Variants in ZFHX3 observed in about 807,000 individuals in gnomAD.
ZFHX3 encodes the protein zinc finger homeobox protein 3.
In ZFHX3, 42 loss-of-function variants were observed where a neutral mutation model predicts 279.1. The observed-to-expected ratio is 0.15, with a 90% CI of 0.12 to 0.19. The LOEUF (loss-of-function observed/expected upper bound fraction) is 0.19. Among genes scored for constraint, ZFHX3 ranks in the 10% least tolerant of loss-of-function variants. The probability of loss-of-function intolerance (pLI) is 1.00; values close to 1 mark genes in which losing one functional copy is unlikely to be tolerated. For missense variants in ZFHX3, 4,981 were observed against 4,754.0 expected (o/e 1.05, Z -1.40); for synonymous variants, 2,293 against 1,957.8 (o/e 1.17, Z -4.52).
At chr16:73,027,618 C>CAT (rs1233562734) in intron 1 of ZFHX3, among the ~76,000 whole-genome samples, 2 of 152,262 alleles carry the variant, frequency 1.3e-5, no homozygotes, top group African/African-American at 4.8e-5. Flanking sequence ...AAGAGTCCTC[C>CAT]TTAAATACAG....
At chr16:72,870,647 G>A (rs1284663098) in intron 4 of ZFHX3, among the ~76,000 whole-genome samples, 27 of 150,510 alleles carry the variant, frequency 1.8e-4, no homozygotes, top group Admixed American at 1.8e-3. Flanking sequence ...GAACCCAGGA[G>A]GCGGAGCTTG....
At chr16:73,639,577 A>G (rs1391894773) in intron 2 of ZFHX3, among the ~76,000 whole-genome samples, 5 of 152,196 alleles carry the variant, frequency 3.3e-5, no homozygotes, top group Non-Finnish European at 7.3e-5. Context: ...TGGCAAGGGC[A>G]GAATGAAAAA....
intron 4 of ZFHX3, among the ~76,000 whole-genome samples, chr16:73,299,144 G>A (rs1026603301): frequency 6.6e-6 from 1 of 152,154 alleles, no homozygotes; most frequent in East Asian, 1.9e-4. Context: ...TACAGCATCT[G>A]AGCCCTACTA....
chr16:73,085,611 G>A (rs1412034345), intron 8 of ZFHX3, among the ~76,000 whole-genome samples: 1 of 152,074 alleles, frequency 6.6e-6, no homozygotes, highest in African/African-American at 2.4e-5. Flanking sequence ...AATGTGACTG[G>A]GAAAATTAGA....
chr16:73,578,441 G>C (rs964073738), intron 2 of ZFHX3, among the ~76,000 whole-genome samples: 1 of 151,806 alleles, frequency 6.6e-6, no homozygotes, highest in African/African-American at 2.4e-5. Context: ...GAAACTTTGA[G>C]CAAAGAAATT....
At chr16:73,165,194 G>A (rs1024819242) in intron 5 of ZFHX3, among the ~76,000 whole-genome samples, 3 of 152,190 alleles carry the variant, frequency 2.0e-5, no homozygotes, top group African/African-American at 7.2e-5. Flanking sequence ...GGGAGGGCAG[G>A]AGGAATGCAA....
exon 1 of ZFHX3, chr16:73,891,760 C>CTA (rs2030546746): frequency 6.6e-6 from 1 of 151,894 alleles, no homozygotes; most frequent in South Asian, 2.1e-4. Flanking sequence ...CTCTCTCTCT[C>CTA]TCTCTCTCTC....
At chr16:72,849,296 T>C (rs1281832048) in intron 4 of ZFHX3, among the ~76,000 whole-genome samples, 2 of 152,092 alleles carry the variant, frequency 1.3e-5, no homozygotes, top group African/African-American at 4.8e-5. Context: ...CCAGAGGAGC[T>C]GCAAGAGAAA....
chr16:73,354,755 G>A (rs2016307954), intron 3 of ZFHX3, among the ~76,000 whole-genome samples: 1 of 152,142 alleles, frequency 6.6e-6, no homozygotes, highest in Non-Finnish European at 1.5e-5. Context: ...AATAGGGTCA[G>A]GTTCTGGCTG....
intron 4 of ZFHX3, among the ~76,000 whole-genome samples, chr16:72,839,195 T>TCC (rs367871394): frequency 1.4e-4 from 21 of 146,790 alleles, no homozygotes; most frequent in East Asian, 1.4e-3. Context: ...ATCTCTCCCT[T>TCC]CCCCCCCCCA....
intron 3 of ZFHX3, among the ~76,000 whole-genome samples, chr16:72,941,479 G>A (rs369796476): frequency 2.6e-5 from 4 of 152,124 alleles, no homozygotes; most frequent in South Asian, 2.1e-4. Flanking sequence ...AACAAAACAC[G>A]GGATGCCCAG....
chr16:73,247,459 T>C (rs1451304414), intron 5 of ZFHX3, among the ~76,000 whole-genome samples: 2 of 151,786 alleles, frequency 1.3e-5, no homozygotes, highest in Non-Finnish European at 2.9e-5. Flanking sequence ...TGAGTGTGTA[T>C]ATACTGCGTA....
At chr16:73,356,817 C>T (rs755096506) in intron 3 of ZFHX3, among the ~76,000 whole-genome samples, 3 of 151,334 alleles carry the variant, frequency 2.0e-5, no homozygotes, top group Non-Finnish European at 4.4e-5. Flanking sequence ...GCTGCAAACA[C>T]CTATGATGCT....
chr16:73,748,275 A>G (rs763778781), intron 1 of ZFHX3, among the ~76,000 whole-genome samples: 1 of 152,178 alleles, frequency 6.6e-6, no homozygotes, highest in Non-Finnish European at 1.5e-5. Context: ...AACTAACTAC[A>G]TGTCATACAA....
At chr16:73,409,258 T>C (rs143006257) in intron 3 of ZFHX3, among the ~76,000 whole-genome samples, 1 of 152,232 alleles carries the variant, frequency 6.6e-6, no homozygotes, top group Non-Finnish European at 1.5e-5. Context: ...CAGTGACATA[T>C]CTCAGCAAGG....
At chr16:73,623,475 G>A (rs1447093536) in intron 2 of ZFHX3, among the ~76,000 whole-genome samples, 1 of 152,150 alleles carries the variant, frequency 6.6e-6, no homozygotes, top group Non-Finnish European at 1.5e-5. Context: ...TTAAAGACAG[G>A]TAAATGAGGG....
chr16:73,584,941 C>G (rs1292687121), intron 2 of ZFHX3, among the ~76,000 whole-genome samples: 1 of 152,184 alleles, frequency 6.6e-6, no homozygotes, highest in Non-Finnish European at 1.5e-5. Context: ...AGACACTTCT[C>G]AAAAGACGAC....
In ZFHX3 at chr16:73,881,742, G is replaced by C. The variant is rs562211294; in HGVS notation, c.-1608+9909C>G. On this transcript the variant is annotated intron_variant, in intron 1 of 17. Coordinates refer to the ZFHX3 transcript ENST00000641206. ...ATGGAGATGGGATATATATGTGTGT[G>C]TGCGTATGTATATATAAAGTTAAAA... 2.7e-4 allele frequency among the ~76,000 whole-genome samples: 41 copies of C among 152,050 alleles called. No individual in the cohort carries two copies. In the South Asian group the frequency reaches 8.3e-3, roughly 31 times the overall value.
chr16:73,511,096 G>T (rs1305833769), intron 2 of ZFHX3, among the ~76,000 whole-genome samples: 1 of 152,182 alleles, frequency 6.6e-6, no homozygotes, highest in African/African-American at 2.4e-5. Flanking sequence ...ATTCAGGCAT[G>T]GTCACCTGTA....
Sources: allele counts gnomAD v4.1 joint callset (sites outside exome capture counted in the v4.1 genomes callset), GRCh38; gene constraint gnomAD v4.1.1; transcripts MANE v1.5; gene names NCBI Gene and HGNC (gene_info 2026-07-23, HGNC 2026-07-21).